Variants in LMNTD1 observed in about 807,000 individuals in gnomAD.
The protein encoded by LMNTD1 is lamin tail domain-containing protein 1.
A neutral mutation model predicts 50.9 loss-of-function variants in LMNTD1; 35 were observed. The ratio of observed to expected loss-of-function variants is 0.69; its 90% confidence interval spans 0.53 to 0.91. The LOEUF (loss-of-function observed/expected upper bound fraction) is 0.91, where lower values mean the gene tolerates loss of function less well. Among genes scored for constraint, LMNTD1 ranks in the 40% least tolerant of loss-of-function variants. The pLI is 0.00. For missense variants in LMNTD1, 470 were observed against 475.5 expected (o/e 0.99, Z 0.11); for synonymous variants, 153 against 161.9 (o/e 0.94, Z 0.42).
At chr12:25,605,986 G>C (rs1432295935) in intron 1 of LMNTD1, among the ~76,000 whole-genome samples, 1 of 152,160 alleles carries the variant, frequency 6.6e-6, no homozygotes, top group African/African-American at 2.4e-5. Context: ...TCTTCCATTT[G>C]TTTGTATCCT....
At chr12:25,513,787 T>C (rs12367100) in intron 8 of LMNTD1, among the ~76,000 whole-genome samples, 29,377 of 110,122 alleles carry the variant, frequency 0.27, 3,575 homozygotes, top group Non-Finnish European at 0.36. Context: ...TAGAAAGAGA[T>C]AGCATTTTCA....
At chr12:25,510,852 CAAAA>C (rs984435785) in intron 8 of LMNTD1, among the ~76,000 whole-genome samples, 3 of 151,948 alleles carry the variant, frequency 2.0e-5, no homozygotes, top group Non-Finnish European at 4.4e-5. Flanking sequence ...GTGCAAGTGA[CAAAA>C]AGACAAGCAA....
chr12:25,544,229 T>G (rs1177134369), intron 4 of LMNTD1, among the ~76,000 whole-genome samples: 1 of 151,924 alleles, frequency 6.6e-6, no homozygotes. Flanking sequence ...TTCGTTTGCT[T>G]TATATACTTG....
chr12:25,590,543 A>C (rs995794282), intron 1 of LMNTD1, among the ~76,000 whole-genome samples: 1 of 152,206 alleles, frequency 6.6e-6, no homozygotes, highest in Non-Finnish European at 1.5e-5. Context: ...CTAGGGGGTC[A>C]TGTGACCTAC....
intron 1 of LMNTD1, among the ~76,000 whole-genome samples, chr12:25,630,139 C>T (rs946389708): frequency 1.3e-5 from 2 of 152,104 alleles, no homozygotes; most frequent in Non-Finnish European, 2.9e-5. Context: ...GAGCATCCAA[C>T]GCTATATGCT....
chr12:25,593,673 C>T (rs768698030), intron 1 of LMNTD1, among the ~76,000 whole-genome samples: 8 of 151,984 alleles, frequency 5.3e-5, no homozygotes, highest in Non-Finnish European at 8.8e-5. Flanking sequence ...AAAAATTACT[C>T]TAGCTCACCA....
intron 2 of LMNTD1, among the ~76,000 whole-genome samples, chr12:25,550,485 C>A (rs376424383): frequency 2.2e-4 from 34 of 152,298 alleles, no homozygotes; most frequent in Non-Finnish European, 4.3e-4. Context: ...AAAAATGAGA[C>A]AAATGGCCAG....
chr12:25,530,834 T>G (rs1403319014), intron 4 of LMNTD1, among the ~76,000 whole-genome samples: 1 of 152,204 alleles, frequency 6.6e-6, no homozygotes, highest in East Asian at 1.9e-4. Flanking sequence ...TTTGCAGATA[T>G]AACTAAAGTT....
At chr12:25,547,555 T>C (rs934368363) in intron 3 of LMNTD1, among the ~76,000 whole-genome samples, 1 of 151,740 alleles carries the variant, frequency 6.6e-6, no homozygotes, top group African/African-American at 2.4e-5. Context: ...CTTACATCTT[T>C]AGCAAAACCA....
intron 1 of LMNTD1, among the ~76,000 whole-genome samples, chr12:25,632,312 T>G (rs1026576694): frequency 6.6e-6 from 1 of 152,192 alleles, no homozygotes; most frequent in Non-Finnish European, 1.5e-5. Flanking sequence ...GAAAATTCAT[T>G]GCAAAAAGCT....
intron 4 of LMNTD1, among the ~76,000 whole-genome samples, chr12:25,529,274 T>C (rs970394796): frequency 6.6e-6 from 1 of 152,202 alleles, no homozygotes; most frequent in African/African-American, 2.4e-5. Context: ...TCATTTATCC[T>C]TATAGGTGAT....
intron 1 of LMNTD1, among the ~76,000 whole-genome samples, chr12:25,563,349 G>C (rs1944416398): frequency 1.3e-5 from 2 of 152,172 alleles, no homozygotes; most frequent in African/African-American, 4.8e-5. Context: ...CTGTTTGTTA[G>C]TTTTCCTTCT....
chr12:25,520,139 GATATACATATATATATATATAT>G lies in LMNTD1; in HGVS notation c.799-86_799-65del, dbSNP rs1440445027. 129 of 152,420 alleles carry G rather than the reference GATATACATATATATATATATAT, an allele frequency of 8.5e-4. 23 individuals are homozygous for G. Among genetic ancestry groups the G allele is most frequent in the Non-Finnish European group, 1.4e-3 (106 of 75,794 alleles). 9.4% of individuals were successfully genotyped at this position (152,420 alleles called of 1,614,324 possible). A position where few individuals can be genotyped will look rare whatever the true frequency, so the allele number is the denominator to read the frequency against. ...TGAGGTTTACAACATGCTGTTATGA[GATATACATATATATATATATAT>G]ATATATATATATATAGTAAAATGGT... On this transcript the variant is annotated intron_variant, in intron 6 of 9. Transcript: ENST00000458174.
intron 1 of LMNTD1, among the ~76,000 whole-genome samples, chr12:25,631,081 T>C (rs1946708165): frequency 6.6e-6 from 1 of 152,040 alleles, no homozygotes; most frequent in South Asian, 2.1e-4. Context: ...GCAGCCATAA[T>C]CCGCCTAGGA....
chr12:25,554,818 C>T (rs1307636628), upstream of LMNTD1, among the ~76,000 whole-genome samples: 1 of 152,162 alleles, frequency 6.6e-6, no homozygotes, highest in Non-Finnish European at 1.5e-5. Flanking sequence ...AATCCCAGCA[C>T]TTTGGGAGGC....
chr12:25,622,599 T>C (rs1946499026), intron 1 of LMNTD1, among the ~76,000 whole-genome samples: 1 of 152,168 alleles, frequency 6.6e-6, no homozygotes, highest in African/African-American at 2.4e-5. Context: ...ACACTCTGCC[T>C]CATTCATCAT....
intron 9 of LMNTD1, among the ~76,000 whole-genome samples, chr12:25,486,489 C>T (rs1437170853): frequency 1.5e-5 from 2 of 136,934 alleles, no homozygotes; most frequent in Non-Finnish European, 3.1e-5. Flanking sequence ...AATTGAATAC[C>T]CTTTATTTCC....
At chr12:25,514,917 G>C (rs1013161726) in intron 8 of LMNTD1, among the ~76,000 whole-genome samples, 3 of 152,092 alleles carry the variant, frequency 2.0e-5, no homozygotes, top group Non-Finnish European at 4.4e-5. Flanking sequence ...TATAAAGTTA[G>C]GTGAGAATAA....
intron 9 of LMNTD1, among the ~76,000 whole-genome samples, chr12:25,490,758 C>T (rs1938856251): frequency 6.6e-6 from 1 of 152,038 alleles, no homozygotes; most frequent in African/African-American, 2.4e-5. Context: ...TACTGTGAAC[C>T]TAGTAATATA....
Sources: gnomAD v4.1 joint callset for allele counts (sites outside exome capture counted in the v4.1 genomes callset) on GRCh38, gnomAD v4.1.1 for gene constraint, MANE v1.5 for transcripts, NCBI Gene and HGNC (gene_info 2026-07-23, HGNC 2026-07-21) for gene names.